Variants in CTNNA3 observed in about 807,000 individuals in gnomAD.
CTNNA3 encodes the protein catenin alpha-3.
In CTNNA3, 76 loss-of-function variants were observed where a neutral mutation model predicts 95.7. The ratio of observed to expected loss-of-function variants is 0.79; its 90% CI spans 0.66 to 0.96. The LOEUF (loss-of-function observed/expected upper bound fraction) is 0.96. Ranked by LOEUF, CTNNA3 falls within the 40% of genes least tolerant of loss-of-function variation. The pLI is 0.00. For missense variants in CTNNA3, 1,191 were observed against 1,089.8 expected, an observed-to-expected ratio of 1.09 and a Z score of -1.31; for synonymous variants, 431 against 374.4, an observed-to-expected ratio of 1.15 and a Z score of -1.74.
chr10:66,207,558 C>T (rs142880296), intron 13 of CTNNA3, among the ~76,000 whole-genome samples: 4 of 152,078 alleles, frequency 2.6e-5, no homozygotes, highest in Admixed American at 2.0e-4. Context: ...TTATTCCTAG[C>T]CCCCAAATAA....
chr10:66,722,759 T>C (rs997000089), intron 9 of CTNNA3, among the ~76,000 whole-genome samples: 2 of 151,910 alleles, frequency 1.3e-5, no homozygotes, highest in Non-Finnish European at 2.9e-5. Context: ...GGCACAACTG[T>C]AAACTTATAA....
chr10:65,944,888 CTAT>C (rs1564530629), intron 17 of CTNNA3, among the ~76,000 whole-genome samples: 1 of 113,190 alleles, frequency 8.8e-6, no homozygotes, highest in African/African-American at 2.9e-5. Context: ...ATCTATCTAT[CTAT>C]CTATCTATCA....
chr10:66,801,601 G>T (rs187272699), intron 7 of CTNNA3, among the ~76,000 whole-genome samples: 29 of 151,656 alleles, frequency 1.9e-4, no homozygotes, highest in Middle Eastern at 3.4e-3. Flanking sequence ...TTGAGACAAA[G>T]TAAAGCAGTC....
At chr10:66,338,776 GA>G (rs1320590936) in intron 12 of CTNNA3, among the ~76,000 whole-genome samples, 1 of 151,810 alleles carries the variant, frequency 6.6e-6, no homozygotes, top group Non-Finnish European at 1.5e-5. Context: ...AAAGCAATGT[GA>G]AAATAGACAT....
In CTNNA3 at chr10:66,441,273, C is replaced by A. The variant is rs371972059; in HGVS notation, c.1532-61921G>T. Among the ~76,000 whole-genome samples, 64 of 152,130 alleles carry A rather than the reference C, an allele frequency of 4.2e-4. 1 individual carries two copies. The South Asian group carries it at 0.013, about 31-fold the overall frequency. The stretch of plus-strand genomic sequence containing the variant: ...ACAAGAAAGTAAAATTGTAATGTGA[C>A]AATTGACAGAAAAGAAAGATAAAAA... On this transcript the variant is annotated intron_variant, in intron 11 of 17. Coordinates refer to ENST00000433211, the MANE Select transcript of CTNNA3 (RefSeq NM_013266.4).
intron 7 of CTNNA3, among the ~76,000 whole-genome samples, chr10:66,969,171 A>G (rs899486069): frequency 6.6e-6 from 1 of 152,116 alleles, no homozygotes; most frequent in African/African-American, 2.4e-5. Context: ...TATTAATAAG[A>G]AAATGTAACA....
At chr10:66,046,957 C>A (rs1373967750) in intron 15 of CTNNA3, among the ~76,000 whole-genome samples, 1 of 152,154 alleles carries the variant, frequency 6.6e-6, no homozygotes, top group African/African-American at 2.4e-5. Flanking sequence ...AACAGGTCAA[C>A]AAGGAGCTAC....
intron 5 of CTNNA3, among the ~76,000 whole-genome samples, chr10:67,386,774 AGT>A (rs1311741386): frequency 6.6e-6 from 1 of 152,216 alleles, no homozygotes; most frequent in African/African-American, 2.4e-5. Context: ...GGTAGGAAAT[AGT>A]GTCTGTCACT....
chr10:67,368,475 C>T (rs867269100), intron 5 of CTNNA3, among the ~76,000 whole-genome samples: 1 of 152,142 alleles, frequency 6.6e-6, no homozygotes, highest in African/African-American at 2.4e-5. Context: ...TGTAAAAATA[C>T]ATCTACCATG....
At chr10:67,059,500 A>C (rs1855634929) in intron 7 of CTNNA3, among the ~76,000 whole-genome samples, 1 of 152,234 alleles carries the variant, frequency 6.6e-6, no homozygotes, top group Non-Finnish European at 1.5e-5. Flanking sequence ...GTAATATGAA[A>C]TTTAGCCATA....
At chr10:67,394,090 T>C (rs1341818964) in intron 5 of CTNNA3, among the ~76,000 whole-genome samples, 1 of 152,184 alleles carries the variant, frequency 6.6e-6, no homozygotes, top group Non-Finnish European at 1.5e-5. Context: ...TGCGGATATA[T>C]GGACTAACTT....
chr10:67,010,280 C>T (rs1852236580), intron 7 of CTNNA3, among the ~76,000 whole-genome samples: 1 of 152,010 alleles, frequency 6.6e-6, no homozygotes, highest in African/African-American at 2.4e-5. Flanking sequence ...GCAAATATAC[C>T]TCCTTCCCAC....
chr10:67,419,337 A>G (rs1394635363), intron 5 of CTNNA3, among the ~76,000 whole-genome samples: 2 of 151,858 alleles, frequency 1.3e-5, no homozygotes, highest in Non-Finnish European at 2.9e-5. Context: ...TTTTCTTCCA[A>G]TTTTCTTATT....
At chr10:66,769,627 G>T (rs1589234721) in intron 8 of CTNNA3, among the ~76,000 whole-genome samples, 1 of 152,118 alleles carries the variant, frequency 6.6e-6, no homozygotes, top group Admixed American at 6.5e-5. Flanking sequence ...CTCAGGGCCT[G>T]TTCCAAGTCT....
chr10:67,179,404 T>G (rs775185983), intron 7 of CTNNA3, among the ~76,000 whole-genome samples: 2 of 150,694 alleles, frequency 1.3e-5, no homozygotes, highest in African/African-American at 2.5e-5. Context: ...TTCATATATA[T>G]GTATAAATAC....
chr10:66,109,426 C>T (rs2082034492), intron 13 of CTNNA3, among the ~76,000 whole-genome samples: 1 of 152,128 alleles, frequency 6.6e-6, no homozygotes, highest in Non-Finnish European at 1.5e-5. Context: ...CTTCTATCTA[C>T]CACACACATT....
intron 15 of CTNNA3, among the ~76,000 whole-genome samples, chr10:66,019,460 A>T (rs2079157375): frequency 6.6e-6 from 1 of 151,956 alleles, no homozygotes; most frequent in Non-Finnish European, 1.5e-5. Flanking sequence ...AAAGTGGGGG[A>T]TCCCACTTCT....
Position 67,147,634 on chromosome 10 carries a change from T to C in CTNNA3, c.1047+32683A>G, listed in dbSNP as rs1860906051. Among the ~76,000 whole-genome samples the C allele has an allele frequency of 2.0e-5, 3 of 152,308 alleles. No individual in the cohort carries two copies. The South Asian group carries it at 6.2e-4, about 32-fold the overall frequency. On this transcript the variant is annotated intron_variant, in intron 7 of 17. Transcript: ENST00000433211. ...GCAATATTCAGATTGTTTCCTGGTC[T>C]TCAGTACACGTGTAAACTTTCAAAT...
intron 11 of CTNNA3, among the ~76,000 whole-genome samples, chr10:66,411,382 T>C (rs1385987646): frequency 6.6e-6 from 1 of 152,130 alleles, no homozygotes; most frequent in Non-Finnish European, 1.5e-5. Context: ...TGATTTTGTT[T>C]TTCCTTCTGG....
Sources: gnomAD v4.1 joint callset for allele counts (sites outside exome capture counted in the v4.1 genomes callset) on GRCh38, gnomAD v4.1.1 for gene constraint, MANE v1.5 for transcripts, NCBI Gene and HGNC (gene_info 2026-07-23, HGNC 2026-07-21) for gene names.